The following SCHIP1 variants were observed in gnomAD, a reference collection of about 807,000 sequenced individuals.
SCHIP1 encodes the protein schwannomin-interacting protein 1.
Under a neutral mutation model 29.7 loss-of-function variants are expected in SCHIP1, and 8 were observed. The ratio of observed to expected loss-of-function variants is 0.27; its 90% CI spans 0.16 to 0.49. The LOEUF is 0.49. SCHIP1 is among the 20% of genes least tolerant of loss of function. SCHIP1 has a pLI of 0.99. For synonymous variants in SCHIP1, 76 were observed against 94.9 expected (o/e 0.80, Z 1.16); for missense variants, 193 against 294.6 (o/e 0.66, Z 2.52).
the SCHIP1 span, among the ~76,000 whole-genome samples, chr3:159,725,062 A>T: frequency 6.6e-6 from 1 of 152,110 alleles, no homozygotes; most frequent in African/African-American, 2.4e-5. Flanking sequence ...TAATAAGTAA[A>T]CCTAAAATTT....
chr3:159,825,889 C>CA, the SCHIP1 span, among the ~76,000 whole-genome samples: 72 of 152,266 alleles, frequency 4.7e-4, no homozygotes, highest in African/African-American at 1.5e-3. Flanking sequence ...AGAGGGCTTA[C>CA]AGGTTGAGAA....
the SCHIP1 span, chr3:159,765,129 C>G: frequency 1.9e-6 from 3 of 1,563,374 alleles, no homozygotes; most frequent in Non-Finnish European, 2.6e-6. Flanking sequence ...CGAGGACCAA[C>G]TCCACCTCCG....
chr3:159,727,307 T>C, the SCHIP1 span, among the ~76,000 whole-genome samples: 1 of 152,232 alleles, frequency 6.6e-6, no homozygotes. Flanking sequence ...AATTAATTAC[T>C]ACCTGACATT....
chr3:159,450,557 A>C, the SCHIP1 span, among the ~76,000 whole-genome samples: 13 of 152,324 alleles, frequency 8.5e-5, no homozygotes, highest in African/African-American at 3.1e-4. Context: ...CGTTGAATTT[A>C]TATAGTGGTG....
At chr3:159,586,356 C>T in the SCHIP1 span, among the ~76,000 whole-genome samples, 1 of 152,034 alleles carries the variant, frequency 6.6e-6, no homozygotes, top group Non-Finnish European at 1.5e-5. Flanking sequence ...GTGACTGGAC[C>T]CTTATTTTCA....
the SCHIP1 span, chr3:159,309,053 G>A: frequency 0.016 from 2,450 of 152,420 alleles, 56 homozygotes; most frequent in African/African-American, 0.056. Flanking sequence ...TACCTATTGA[G>A]GGCTATGCTC....
the SCHIP1 span, among the ~76,000 whole-genome samples, chr3:159,395,163 A>G: frequency 1.3e-5 from 2 of 151,926 alleles, no homozygotes; most frequent in African/African-American, 4.8e-5. Flanking sequence ...ATCGGTGGTG[A>G]TATCCCCTTT....
chr3:159,755,295 C>G, the SCHIP1 span, among the ~76,000 whole-genome samples: 3 of 152,126 alleles, frequency 2.0e-5, no homozygotes, highest in Non-Finnish European at 4.4e-5. Context: ...GCTGGGGATA[C>G]CTCGCAATCA....
chr3:159,425,019 C>A, the SCHIP1 span, among the ~76,000 whole-genome samples: 2 of 151,568 alleles, frequency 1.3e-5, no homozygotes, highest in East Asian at 3.9e-4. Context: ...CCAGGCCTGC[C>A]TTAAAAGAGC....
At chr3:159,473,874 A>G in the SCHIP1 span, among the ~76,000 whole-genome samples, 1 of 152,090 alleles carries the variant, frequency 6.6e-6, no homozygotes, top group Non-Finnish European at 1.5e-5. Flanking sequence ...TTTAAGTGCT[A>G]CATAGTTTAC....
At chr3:159,843,787 C>T (rs916714470) in intron 1 of SCHIP1, among the ~76,000 whole-genome samples, 9 of 142,622 alleles carry the variant, frequency 6.3e-5, no homozygotes, top group Admixed American at 2.9e-4. Flanking sequence ...CACGCCACTG[C>T]GCTCCAGCCT....
intron 1 of SCHIP1, chr3:159,853,300 G>A: frequency 4.8e-6 from 3 of 626,762 alleles, no homozygotes; most frequent in Non-Finnish European, 8.6e-6. Context: ...GCAGTAACCA[G>A]GGAACTGGGC....
the SCHIP1 span, among the ~76,000 whole-genome samples, chr3:159,652,953 T>TA: frequency 1.3e-5 from 2 of 152,112 alleles, no homozygotes; most frequent in Admixed American, 6.6e-5. Context: ...CTCTGGGAGC[T>TA]AAAAAAGTGG....
At chr3:159,284,121 A>G in the SCHIP1 span, among the ~76,000 whole-genome samples, 1 of 152,196 alleles carries the variant, frequency 6.6e-6, no homozygotes, top group Non-Finnish European at 1.5e-5. Flanking sequence ...CATGGTAATT[A>G]CATGTTCCTT....
chr3:159,797,151 T>G, the SCHIP1 span, among the ~76,000 whole-genome samples: 1 of 152,238 alleles, frequency 6.6e-6, no homozygotes, highest in African/African-American at 2.4e-5. Flanking sequence ...TAAAGCATAC[T>G]ATTTATAAGT....
chr3:159,887,819 A>C, exon 4 of SCHIP1: 1 of 1,614,062 alleles, frequency 6.2e-7, no homozygotes, highest in Non-Finnish European at 8.5e-7. Context: ...TGAAGCCAAA[A>C]TGGCCCTTGC....
chr3:159,406,819 T>C, the SCHIP1 span, among the ~76,000 whole-genome samples: 3 of 152,214 alleles, frequency 2.0e-5, no homozygotes, highest in Non-Finnish European at 4.4e-5. Context: ...TGTTAAGCTG[T>C]CATGAGTTTA....
the SCHIP1 span, among the ~76,000 whole-genome samples, chr3:159,596,690 A>G: frequency 2.6e-5 from 4 of 152,118 alleles, no homozygotes; most frequent in Non-Finnish European, 5.9e-5. Flanking sequence ...CGAGCAAACT[A>G]TCACAAGGAC....
chr3:159,557,138 T>C, the SCHIP1 span, among the ~76,000 whole-genome samples: 1 of 151,722 alleles, frequency 6.6e-6, no homozygotes, highest in Non-Finnish European at 1.5e-5. Context: ...TTTGTATTTT[T>C]AGTAGAGACG....
Sources: gnomAD v4.1 joint callset for allele counts (sites outside exome capture counted in the v4.1 genomes callset) on GRCh38, gnomAD v4.1.1 for gene constraint, MANE v1.5 for transcripts, NCBI Gene and HGNC (gene_info 2026-07-23, HGNC 2026-07-21) for gene names.